The following HYDIN variants were observed in gnomAD, a reference collection of about 807,000 sequenced individuals.
The protein encoded by HYDIN is HYDIN axonemal central pair apparatus protein.
Under a neutral mutation model 403.9 loss-of-function variants are expected in HYDIN, and 132 were observed. The ratio of observed to expected loss-of-function variants is 0.33; its 90% confidence interval spans 0.28 to 0.38. The LOEUF (loss-of-function observed/expected upper bound fraction) is 0.38. Ranked by LOEUF, HYDIN falls within the 10% of genes least tolerant of loss-of-function variation. HYDIN has a pLI of 1.00. For synonymous variants in HYDIN, 1,202 were observed against 1,891.7 expected (o/e 0.64, Z 9.46); for missense variants, 2,827 against 5,009.5 (o/e 0.56, Z 13.15).
intron 58 of HYDIN, among the ~76,000 whole-genome samples, chr16:70,886,881 T>G (rs1567768255): frequency 1.3e-5 from 2 of 152,148 alleles, no homozygotes; most frequent in Non-Finnish European, 1.5e-5. Flanking sequence ...AGGATTTCTT[T>G]TGGTTTCTCC....
intron 6 of HYDIN, among the ~76,000 whole-genome samples, chr16:71,153,275 T>C (rs369659992): frequency 3.3e-5 from 5 of 152,100 alleles, no homozygotes; most frequent in Non-Finnish European, 7.4e-5. Flanking sequence ...GAAAAATATA[T>C]CTGAGCCCCA....
chr16:71,138,948 G>A (rs1024606273), intron 7 of HYDIN, among the ~76,000 whole-genome samples: 7 of 152,098 alleles, frequency 4.6e-5, no homozygotes, highest in Non-Finnish European at 7.4e-5. Flanking sequence ...GCTGGGCATG[G>A]TGGCGCATGC....
chr16:71,184,524 G>C (rs2087048530), intron 3 of HYDIN, among the ~76,000 whole-genome samples: 1 of 152,084 alleles, frequency 6.6e-6, no homozygotes, highest in Admixed American at 6.6e-5. Flanking sequence ...GCTCAGATAA[G>C]GAGAGATTAC....
At chr16:70,840,778 T>C (rs2037765142) in intron 75 of HYDIN, among the ~76,000 whole-genome samples, 1 of 151,922 alleles carries the variant, frequency 6.6e-6, no homozygotes, top group African/African-American at 2.4e-5. Context: ...AGAATGGTCA[T>C]CTTGTGACCA....
intron 19 of HYDIN, among the ~76,000 whole-genome samples, chr16:71,030,242 G>C (rs972510911): frequency 1.3e-4 from 19 of 151,784 alleles, no homozygotes; most frequent in Middle Eastern, 3.4e-3. Flanking sequence ...AGAGATAGGG[G>C]GGTCTCCCTA....
At chr16:70,942,989 A>G (rs944463561) in intron 42 of HYDIN, among the ~76,000 whole-genome samples, 7 of 152,166 alleles carry the variant, frequency 4.6e-5, no homozygotes, top group Non-Finnish European at 1.0e-4. Context: ...TAACATAAAA[A>G]CTTTCTTGTG....
chr16:71,197,850 C>G (rs1413601529), intron 1 of HYDIN, among the ~76,000 whole-genome samples: 1 of 152,194 alleles, frequency 6.6e-6, no homozygotes, highest in Non-Finnish European at 1.5e-5. Context: ...CAGGTTCACG[C>G]AATTCTCATG....
At chr16:71,019,655 A>G (rs903668712) in intron 22 of HYDIN, among the ~76,000 whole-genome samples, 4 of 152,286 alleles carry the variant, frequency 2.6e-5, no homozygotes, top group African/African-American at 9.6e-5. Flanking sequence ...ATTGTTTTGT[A>G]GAAATGATAC....
intron 45 of HYDIN, among the ~76,000 whole-genome samples, chr16:70,923,516 G>C (rs1380344047): frequency 1.1e-5 from 1 of 92,370 alleles, no homozygotes; most frequent in Non-Finnish European, 2.3e-5. Flanking sequence ...TAAAAAATAA[G>C]AACAGGCCAG....
At chr16:71,202,934 T>A (rs781249827) in intron 1 of HYDIN, among the ~76,000 whole-genome samples, 1 of 152,146 alleles carries the variant, frequency 6.6e-6, no homozygotes, top group Non-Finnish European at 1.5e-5. Flanking sequence ...ACTCTTCTGC[T>A]CTGATTGGTC....
chr16:70,831,481 C>A lies in HYDIN; in HGVS notation c.13899+1367G>T, dbSNP rs375160794. ...CCGAGATCATGCCACTGCACTCCAG[C>A]CTGGGGAACAGAGTGAGACTCTGTC... On this transcript the variant is annotated intron_variant, in intron 80 of 85. Coordinates refer to ENST00000393567, the MANE Select transcript of HYDIN (RefSeq NM_001270974.2). Among the ~76,000 whole-genome samples the A allele has an allele frequency of 7.0e-5, 10 of 142,586 alleles. 1 individual carries two copies. Among genetic ancestry groups the A allele is most frequent in the Admixed American group, 2.1e-4 (3 of 14,218 alleles). 93.5% of individuals were successfully genotyped at this position (142,586 alleles called of 152,430 possible). A position where few individuals can be genotyped will look rare whatever the true frequency, so the allele number is the denominator to read the frequency against.
chr16:71,098,990 AAG>A (rs2083375750), intron 10 of HYDIN, among the ~76,000 whole-genome samples: 2 of 150,220 alleles, frequency 1.3e-5, no homozygotes, highest in African/African-American at 4.9e-5. Context: ...AAAAGGCAGC[AAG>A]AGATACAAGC....
intron 36 of HYDIN, among the ~76,000 whole-genome samples, chr16:70,966,571 C>T (rs1461770026): frequency 1.2e-4 from 18 of 147,798 alleles, no homozygotes; most frequent in Non-Finnish European, 2.7e-4. Context: ...AAGTTTGGGG[C>T]TAATTTGTTA....
chr16:71,040,433 T>C (rs961052270), intron 18 of HYDIN, among the ~76,000 whole-genome samples: 9 of 147,880 alleles, frequency 6.1e-5, no homozygotes, highest in Non-Finnish European at 1.3e-4. Context: ...TTTATCCTCT[T>C]TGAGAAAGCC....
At position 70,872,144 on chromosome 16, in the gene HYDIN, G is replaced by A. The variant is rs762184985; in HGVS notation, c.10984C>T (p.His3662Tyr). Residue 3662 changes from histidine (H) to tyrosine (Y), a missense_variant, in exon 65 of 86, where the codon CAC (histidine) becomes TAC (tyrosine). Coordinates refer to ENST00000393567, the MANE Select transcript of HYDIN (RefSeq NM_001270974.2). ...CTCGCATTATAGCTGTGTCCAATGT[G>A]GCAGTCCCCAAATTGGATGTGGTCC... ...LVDHIQFGDC[H>Y]IGHSYNASFT... 5 of 1,533,138 alleles carry A rather than the reference G, an allele frequency of 3.3e-6. No individual in the cohort carries two copies. The allele number at this position is 1,533,138 out of a possible 1,614,324, so 95.0% of individuals were successfully genotyped here.
At chr16:71,105,452 T>C (rs1301632146) in intron 10 of HYDIN, among the ~76,000 whole-genome samples, 1 of 138,758 alleles carries the variant, frequency 7.2e-6, no homozygotes, top group African/African-American at 2.7e-5. Flanking sequence ...ATGATTGGGG[T>C]GATTTTCTTT....
intron 1 of HYDIN, among the ~76,000 whole-genome samples, chr16:71,195,852 A>G (rs990839322): frequency 1.3e-5 from 2 of 152,218 alleles, no homozygotes; most frequent in African/African-American, 4.8e-5. Flanking sequence ...GAGTTTTTCC[A>G]AAGCCTCAAA....
intron 55 of HYDIN, 176 bp downstream of exon 55, chr16:70,894,273 G>A (rs1328744099): frequency 1.2e-5 from 7 of 591,856 alleles, no homozygotes; most frequent in East Asian, 2.9e-5. Context: ...AAGCAGAGAC[G>A]GTTCTTATGA....
chr16:71,230,132 T>C (rs1396923111), intron 1 of HYDIN, among the ~76,000 whole-genome samples: 2 of 152,246 alleles, frequency 1.3e-5, no homozygotes, highest in Non-Finnish European at 2.9e-5. Context: ...CTCTTTTCTT[T>C]GTAATTAGCC....
Sources: allele counts gnomAD v4.1 joint callset (sites outside exome capture counted in the v4.1 genomes callset), GRCh38; gene constraint gnomAD v4.1.1; transcripts MANE v1.5; gene names NCBI Gene and HGNC (gene_info 2026-07-23, HGNC 2026-07-21).